The following CDKAL1 variants were observed in gnomAD, a reference collection of about 807,000 sequenced individuals.
The protein encoded by CDKAL1 is CDKAL1 threonylcarbamoyladenosine tRNA methylthiotransferase, also known as threonylcarbamoyladenosine tRNA methylthiotransferase.
Under a neutral mutation model 68.2 loss-of-function variants are expected in CDKAL1, and 32 were observed. That is an observed-to-expected ratio of 0.47 (90% CI 0.35 to 0.63). The LOEUF is 0.63. Among genes scored for constraint, CDKAL1 ranks in the 30% least tolerant of loss-of-function variants. The pLI, the probability that CDKAL1 is intolerant of heterozygous loss-of-function variation, is 0.00. For missense variants in CDKAL1, 606 were observed against 696.7 expected, an observed-to-expected ratio of 0.87 and a Z score of 1.47; for synonymous variants, 234 against 244.3, an observed-to-expected ratio of 0.96 and a Z score of 0.39.
At chr6:20,893,269 T>A (rs1243019605) in intron 9 of CDKAL1, among the ~76,000 whole-genome samples, 2 of 152,214 alleles carry the variant, frequency 1.3e-5, no homozygotes, top group Non-Finnish European at 2.9e-5. Flanking sequence ...CTGCACTGAA[T>A]GCAGGTTACA....
At chr6:20,568,312 C>A (rs551772523) in intron 4 of CDKAL1, among the ~76,000 whole-genome samples, 1 of 152,272 alleles carries the variant, frequency 6.6e-6, no homozygotes, top group Admixed American at 6.5e-5. Context: ...AGCCACTGTG[C>A]CTGGCCTATT....
At position 21,186,711 on chromosome 6, in the gene CDKAL1, C is replaced by T. The variant is rs147822052; in HGVS notation, c.1300-11310C>T. 1.3e-3 allele frequency among the ~76,000 whole-genome samples: 204 copies of T among 151,864 alleles called. 4 individuals carry two copies. The East Asian group carries it at 0.033, about 24-fold the overall frequency. On this transcript the variant is annotated intron_variant, in intron 13 of 15. Transcript: ENST00000274695. The stretch of plus-strand genomic sequence containing the variant: ...CATGTGTATACATTCCTTCCTAAAA[C>T]TAAAACATTACATTTACATGATTAC...
At chr6:20,833,269 A>C (rs985009354) in intron 8 of CDKAL1, among the ~76,000 whole-genome samples, 2 of 152,234 alleles carry the variant, frequency 1.3e-5, no homozygotes, top group African/African-American at 2.4e-5. Flanking sequence ...GAACAAAATC[A>C]GTATTCTTTT....
At chr6:20,670,350 T>C (rs1304352644) in intron 5 of CDKAL1, among the ~76,000 whole-genome samples, 3 of 152,196 alleles carry the variant, frequency 2.0e-5, no homozygotes, top group Admixed American at 2.0e-4. Flanking sequence ...ACTTCCTGGA[T>C]GGTTTTAATT....
chr6:20,916,527 G>A (rs528007161), intron 9 of CDKAL1, among the ~76,000 whole-genome samples: 24 of 152,234 alleles, frequency 1.6e-4, no homozygotes, highest in African/African-American at 5.3e-4. Context: ...GGTCAGTGAG[G>A]AAAATGGTGT....
intron 10 of CDKAL1, among the ~76,000 whole-genome samples, chr6:20,999,622 C>T (rs1404547701): frequency 7.2e-6 from 1 of 139,118 alleles, no homozygotes; most frequent in Non-Finnish European, 1.5e-5. Flanking sequence ...GGGTCATGTG[C>T]CTTTTGCGTA....
At chr6:20,576,837 T>G (rs142845263) in intron 4 of CDKAL1, among the ~76,000 whole-genome samples, 1 of 152,344 alleles carries the variant, frequency 6.6e-6, no homozygotes, top group East Asian at 1.9e-4. Flanking sequence ...TAATGTTTGT[T>G]GAGAGAACAG....
chr6:21,227,198 T>G (rs991635411), intron 15 of CDKAL1, among the ~76,000 whole-genome samples: 8 of 152,270 alleles, frequency 5.3e-5, no homozygotes, highest in African/African-American at 1.9e-4. Context: ...ATCGGCTGTT[T>G]ATAATCACTT....
intron 4 of CDKAL1, among the ~76,000 whole-genome samples, chr6:20,643,479 C>T (rs1386970073): frequency 2.0e-5 from 3 of 152,232 alleles, no homozygotes; most frequent in African/African-American, 7.2e-5. Flanking sequence ...TTCTACCCCT[C>T]TGGAAGAGTT....
At chr6:21,206,216 A>C (rs1467515399) in intron 15 of CDKAL1, among the ~76,000 whole-genome samples, 2 of 152,154 alleles carry the variant, frequency 1.3e-5, no homozygotes, top group East Asian at 1.9e-4. Flanking sequence ...TCTGGACACC[A>C]GTTTCTTTTT....
chr6:21,155,979 T>C (rs1026844856), intron 13 of CDKAL1, among the ~76,000 whole-genome samples: 2 of 152,204 alleles, frequency 1.3e-5, no homozygotes, highest in Non-Finnish European at 2.9e-5. Flanking sequence ...TATGGCATAA[T>C]GGTAGTGACT....
intron 4 of CDKAL1, among the ~76,000 whole-genome samples, chr6:20,574,558 T>C (rs1315372371): frequency 1.3e-5 from 2 of 152,202 alleles, no homozygotes; most frequent in African/African-American, 4.8e-5. Context: ...TTAATTTTTA[T>C]CAAGGGTCAC....
intron 12 of CDKAL1, among the ~76,000 whole-genome samples, chr6:21,076,308 C>A (rs1165311606): frequency 6.6e-6 from 1 of 152,166 alleles, no homozygotes; most frequent in Non-Finnish European, 1.5e-5. Flanking sequence ...TGCTCAATGA[C>A]ATACAGTGAC....
At chr6:20,636,194 A>G (rs1240559224) in intron 4 of CDKAL1, among the ~76,000 whole-genome samples, 1 of 152,014 alleles carries the variant, frequency 6.6e-6, no homozygotes, top group Non-Finnish European at 1.5e-5. Flanking sequence ...TGCTTCTGCT[A>G]TTTTTCAGAT....
chr6:21,194,788 A>G (rs1363133388), intron 13 of CDKAL1, among the ~76,000 whole-genome samples: 1 of 152,242 alleles, frequency 6.6e-6, no homozygotes, highest in Non-Finnish European at 1.5e-5. Flanking sequence ...GTGAAGTTGC[A>G]TCTTCCAGAA....
chr6:20,878,003 G>A (rs908730032), intron 9 of CDKAL1, among the ~76,000 whole-genome samples: 4 of 152,058 alleles, frequency 2.6e-5, no homozygotes, highest in Non-Finnish European at 5.9e-5. Context: ...TATTTCTTTC[G>A]TTCAGGATGA....
At chr6:20,864,450 A>G (rs561695001) in intron 9 of CDKAL1, among the ~76,000 whole-genome samples, 3 of 152,286 alleles carry the variant, frequency 2.0e-5, no homozygotes, top group South Asian at 4.1e-4. Context: ...TCAAGTGCCT[A>G]TTAAGTGGAG....
intron 7 of CDKAL1, among the ~76,000 whole-genome samples, chr6:20,767,673 A>G: frequency 6.6e-6 from 1 of 152,184 alleles, no homozygotes; most frequent in East Asian, 1.9e-4. Context: ...GATGTTATGG[A>G]TCTTTTCTTA....
chr6:21,160,185 C>T (rs1776843039), intron 13 of CDKAL1, among the ~76,000 whole-genome samples: 1 of 152,184 alleles, frequency 6.6e-6, no homozygotes, highest in African/African-American at 2.4e-5. Flanking sequence ...TTGAAAGTTT[C>T]CGTGGAAGAA....
Sources: allele counts gnomAD v4.1 joint callset (sites outside exome capture counted in the v4.1 genomes callset), GRCh38; gene constraint gnomAD v4.1.1; transcripts MANE v1.5; gene names NCBI Gene and HGNC (gene_info 2026-07-23, HGNC 2026-07-21).